The following RALGPS1 variants were observed in gnomAD, a reference collection of about 807,000 sequenced individuals.
The protein encoded by RALGPS1 is Ral GEF with PH domain and SH3 binding motif 1.
RALGPS1 carries 19 observed loss-of-function variants against 78.8 expected under a neutral mutation model. That is an observed-to-expected ratio of 0.24 (90% CI 0.17 to 0.35). The LOEUF is 0.35. Ranked by LOEUF, RALGPS1 falls within the 10% of genes least tolerant of loss-of-function variation. RALGPS1 has a pLI of 1.00. For synonymous variants in RALGPS1, 228 were observed against 256.3 expected (o/e 0.89, Z 1.06); for missense variants, 454 against 688.3 (o/e 0.66, Z 3.81).
At chr9:127,039,793 A>G (rs2047137475) in intron 5 of RALGPS1, among the ~76,000 whole-genome samples, 1 of 152,116 alleles carries the variant, frequency 6.6e-6, no homozygotes, top group Non-Finnish European at 1.5e-5. Context: ...GAAAGGGGGA[A>G]GGAGTGGGGC....
At chr9:127,081,894 G>T (rs1254755261) in intron 8 of RALGPS1, among the ~76,000 whole-genome samples, 2 of 152,250 alleles carry the variant, frequency 1.3e-5, no homozygotes, top group Non-Finnish European at 2.9e-5. Flanking sequence ...GGAATGCCAC[G>T]CAGATGGGAG....
chr9:127,178,983 C>T (rs991042883), intron 11 of RALGPS1, among the ~76,000 whole-genome samples: 5 of 152,218 alleles, frequency 3.3e-5, no homozygotes, highest in Non-Finnish European at 7.3e-5. Flanking sequence ...TTCCTAGAGC[C>T]CAGGACAGAA....
chr9:127,175,527 C>A (rs62578783), intron 11 of RALGPS1, among the ~76,000 whole-genome samples: 1,679 of 152,170 alleles, frequency 0.011, 25 homozygotes, highest in Non-Finnish European at 0.016. Flanking sequence ...AGGAGCTGAT[C>A]TCCACTGCTG....
chr9:127,174,439 C>G (rs541195012), intron 10 of RALGPS1, among the ~76,000 whole-genome samples: 22 of 152,308 alleles, frequency 1.4e-4, no homozygotes, highest in Admixed American at 4.6e-4. Context: ...CACCACTCCT[C>G]AGTTTCCTCA....
Position 127,221,195 on chromosome 9 carries a change from A to G in RALGPS1, c.*2426A>G, listed in dbSNP as rs1164110485. The stretch of plus-strand genomic sequence containing the variant: ...GCTTGTCTTCCCAGTGTTGGTTTGA[A>G]CCCTGTGAGCCTGAGACAGAGAGGG... On this transcript the variant is annotated 3_prime_UTR_variant, in exon 19 of 19. Transcript: ENST00000259351. 6.6e-6 allele frequency: 1 copy of G among 152,142 alleles called. No homozygotes were observed. The highest frequency in any genetic ancestry group is 1.5e-5 in the Non-Finnish European group (1 of 68,012). The allele number at this position is 152,142 out of a possible 1,614,324, so 9.4% of individuals were successfully genotyped here.
At chr9:126,927,851 G>T (rs574045490) in intron 1 of RALGPS1, among the ~76,000 whole-genome samples, 93 of 152,346 alleles carry the variant, frequency 6.1e-4, no homozygotes, top group Non-Finnish European at 1.0e-3. Flanking sequence ...AGTCTGAGAA[G>T]ATGATTAAAA....
chr9:127,027,417 A>G (rs1295782932), intron 4 of RALGPS1, among the ~76,000 whole-genome samples: 1 of 152,216 alleles, frequency 6.6e-6, no homozygotes. Context: ...GTTTTTAATC[A>G]TGGACTAACT....
chr9:127,198,081 C>T (rs767127973), intron 13 of RALGPS1, among the ~76,000 whole-genome samples: 2 of 152,252 alleles, frequency 1.3e-5, no homozygotes, highest in Admixed American at 6.5e-5. Context: ...AGCTGTCCAA[C>T]GTCCAGACAG....
chr9:127,164,534 C>CA (rs2059190492), intron 8 of RALGPS1, among the ~76,000 whole-genome samples: 1 of 62,766 alleles, frequency 1.6e-5, no homozygotes, highest in Admixed American at 2.3e-4. Context: ...CATGCCTGGC[C>CA]TTTTTTTTTT....
intron 4 of RALGPS1, among the ~76,000 whole-genome samples, chr9:127,016,290 G>A (rs1338125876): frequency 6.6e-6 from 1 of 152,134 alleles, no homozygotes; most frequent in Non-Finnish European, 1.5e-5. Flanking sequence ...AGTCTCCAGG[G>A]GCAGGTCTTA....
rs1255377565 is a variant in RALGPS1, at chr9:127,219,114, G to A, written c.*345G>A. ...CTTTCTACTGCACAGAGTGGACAGC[G>A]CTAACTAACCTGTGAGAGGGGCCCG... On this transcript the variant is annotated 3_prime_UTR_variant, in exon 19 of 19. Transcript: ENST00000259351. The surrounding 1 kb of genome is among the most constrained non-coding windows in gnomAD (Gnocchi z 5.0). 1 of 344,282 alleles carries A rather than the reference G, an allele frequency of 2.9e-6. No individual in the cohort carries two copies. The highest frequency in any genetic ancestry group is 3.3e-5 in the South Asian group (1 of 30,562). The allele number at this position is 344,282 out of a possible 1,614,324, so 21.3% of individuals were successfully genotyped here. A position where few individuals can be genotyped will look rare whatever the true frequency, so the allele number is the denominator to read the frequency against.
intron 4 of RALGPS1, among the ~76,000 whole-genome samples, chr9:127,014,530 G>A (rs1206270852): frequency 6.6e-6 from 1 of 152,114 alleles, no homozygotes; most frequent in Non-Finnish European, 1.5e-5. Context: ...GAGTTAACTG[G>A]GATGGGGGAG....
chr9:127,184,112 G>A (rs1424751935), intron 11 of RALGPS1: 20 of 1,478,898 alleles, frequency 1.4e-5, no homozygotes, highest in Non-Finnish European at 1.6e-5. Flanking sequence ...GATCACTTGA[G>A]CCCAGGAGTT....
rs115454311 is a variant in RALGPS1, at chr9:127,014,904, G to T, written c.217-19527G>T. Among the ~76,000 whole-genome samples the T allele has an allele frequency of 7.5e-3, 1,147 of 152,252 alleles. 13 individuals carry two copies. Among genetic ancestry groups the T allele is most frequent in the African/African-American group, 0.026 (1,092 of 41,540 alleles). ...GGAGTCTGCCATTTACTACCTGGATGCACTTGTATAGTTATTTAATCTCTG... is the reference window on the plus strand; with the variant it reads ...GGAGTCTGCCATTTACTACCTGGATTCACTTGTATAGTTATTTAATCTCTG... On this transcript the variant is annotated intron_variant, in intron 4 of 18. Coordinates refer to ENST00000259351, the MANE Select transcript of RALGPS1 (RefSeq NM_014636.3).
chr9:126,956,636 C>T (rs983871494), intron 1 of RALGPS1, among the ~76,000 whole-genome samples: 4 of 152,118 alleles, frequency 2.6e-5, no homozygotes, highest in African/African-American at 9.7e-5. Context: ...ACTTGGACCC[C>T]TGGACTCAGC....
chr9:126,925,716 A>C (rs1028222184), intron 1 of RALGPS1, among the ~76,000 whole-genome samples: 1 of 152,168 alleles, frequency 6.6e-6, no homozygotes, highest in Non-Finnish European at 1.5e-5. Flanking sequence ...TAAAAAAAAA[A>C]TTATAGCACT....
At chr9:126,925,610 C>G (rs1307866210) in intron 1 of RALGPS1, among the ~76,000 whole-genome samples, 2 of 151,872 alleles carry the variant, frequency 1.3e-5, no homozygotes, top group Admixed American at 1.3e-4. Flanking sequence ...CCCAGATACT[C>G]AGAAGGCTAA....
intron 1 of RALGPS1, among the ~76,000 whole-genome samples, chr9:126,937,945 A>C (rs1355137190): frequency 1.3e-5 from 2 of 152,184 alleles, no homozygotes; most frequent in Non-Finnish European, 2.9e-5. Flanking sequence ...GGATAAAACC[A>C]GTGTCAGGAA....
At chr9:127,040,539 AGAGTAAGGACT>A (rs2134940558) in intron 5 of RALGPS1, among the ~76,000 whole-genome samples, 1 of 152,304 alleles carries the variant, frequency 6.6e-6, no homozygotes, top group Non-Finnish European at 1.5e-5. Context: ...GGTCAAGGAG[AGAGTAAGGACT>A]AGAATGTTTA....
Sources: gnomAD v4.1 joint callset for allele counts (sites outside exome capture counted in the v4.1 genomes callset) on GRCh38, gnomAD v4.1.1 for gene constraint, Gnocchi (gnomAD v3.1) non-coding constraint, MANE v1.5 for transcripts, NCBI Gene and HGNC (gene_info 2026-07-23, HGNC 2026-07-21) for gene names.